UVRAG: variants seen among roughly 807,000 people sequenced by gnomAD.
UVRAG encodes the protein UV radiation resistance-associated gene protein.
A neutral mutation model predicts 78.0 loss-of-function variants in UVRAG; 19 were observed. The ratio of observed to expected loss-of-function variants is 0.24; its 90% CI spans 0.17 to 0.36. UVRAG has a LOEUF of 0.36. Among genes scored for constraint, UVRAG ranks in the 10% least tolerant of loss-of-function variants. UVRAG has a pLI of 1.00. For synonymous variants in UVRAG, 323 were observed against 324.6 expected (o/e 1.00, Z 0.05); for missense variants, 740 against 853.8 (o/e 0.87, Z 1.66).
intron 13 of UVRAG, among the ~76,000 whole-genome samples, chr11:76,080,254 G>C (rs1277148815): frequency 4.6e-5 from 7 of 152,148 alleles, no homozygotes; most frequent in Non-Finnish European, 1.0e-4. Flanking sequence ...TTTTTGTGAA[G>C]ATTAGGTAGC....
intron 1 of UVRAG, among the ~76,000 whole-genome samples, chr11:75,834,515 C>A (rs1382188083): frequency 6.6e-6 from 1 of 152,160 alleles, no homozygotes; most frequent in East Asian, 1.9e-4. Context: ...TAGGGAAACA[C>A]TTTAAGACCA....
intron 6 of UVRAG, among the ~76,000 whole-genome samples, chr11:75,932,766 A>G (rs531409825): frequency 1.3e-5 from 2 of 152,356 alleles, no homozygotes; most frequent in South Asian, 4.1e-4. Flanking sequence ...CACAATAGCT[A>G]CAAATAAAGT....
intron 6 of UVRAG, among the ~76,000 whole-genome samples, chr11:75,956,749 AG>A (rs1948807334): frequency 6.6e-6 from 1 of 152,150 alleles, no homozygotes; most frequent in Non-Finnish European, 1.5e-5. Flanking sequence ...GCCAGCATTT[AG>A]TGTTGTCATT....
chr11:76,011,274 A>G (rs994813667), intron 11 of UVRAG, among the ~76,000 whole-genome samples: 1 of 152,200 alleles, frequency 6.6e-6, no homozygotes, highest in Admixed American at 6.5e-5. Context: ...CCCATTCCCC[A>G]TTACCCTTAG....
At chr11:75,968,847 A>G (rs1011791735) in intron 7 of UVRAG, among the ~76,000 whole-genome samples, 4 of 152,202 alleles carry the variant, frequency 2.6e-5, no homozygotes, top group African/African-American at 7.2e-5. Flanking sequence ...GATTTTACCT[A>G]TCTTTTTCCT....
intron 14 of UVRAG, among the ~76,000 whole-genome samples, chr11:76,117,650 C>T (rs2134470743): frequency 6.6e-6 from 1 of 152,296 alleles, no homozygotes; most frequent in East Asian, 1.9e-4. Context: ...AACTTATCCT[C>T]ATAATCACAA....
At chr11:75,960,339 T>G (rs1948886748) in intron 6 of UVRAG, among the ~76,000 whole-genome samples, 2 of 152,248 alleles carry the variant, frequency 1.3e-5, no homozygotes, top group Non-Finnish European at 2.9e-5. Context: ...ATGACCTTGC[T>G]AAATTAACTT....
At chr11:75,999,187 A>G (rs1220980907) in intron 8 of UVRAG, among the ~76,000 whole-genome samples, 1 of 150,178 alleles carries the variant, frequency 6.7e-6, no homozygotes, top group Non-Finnish European at 1.5e-5. Flanking sequence ...GAGCTGAGAT[A>G]GCACCACTAC....
chr11:76,064,749 G>A (rs951983885), intron 12 of UVRAG, among the ~76,000 whole-genome samples: 1 of 152,006 alleles, frequency 6.6e-6, no homozygotes, highest in Non-Finnish European at 1.5e-5. Context: ...TTTATGGAAT[G>A]TATCTTTTCC....
At chr11:76,101,569 AGCTC>A (rs1951880447) in intron 13 of UVRAG, among the ~76,000 whole-genome samples, 1 of 152,104 alleles carries the variant, frequency 6.6e-6, no homozygotes, top group African/African-American at 2.4e-5. Context: ...GCTGTGCAGA[AGCTC>A]TTTAGTTTAA....
At chr11:76,074,554 G>C (rs1384740165) in intron 13 of UVRAG, among the ~76,000 whole-genome samples, 2 of 152,152 alleles carry the variant, frequency 1.3e-5, no homozygotes, top group African/African-American at 2.4e-5. Flanking sequence ...TGGCTTTGGA[G>C]TGTGTATTTT....
At chr11:75,857,186 A>G (rs1399298998) in intron 2 of UVRAG, among the ~76,000 whole-genome samples, 2 of 152,216 alleles carry the variant, frequency 1.3e-5, no homozygotes, top group African/African-American at 2.4e-5. Flanking sequence ...AATGAAAGTC[A>G]CATCCCTTTA....
chr11:75,930,955 C>CTTTCTTTCT (rs1948225634), intron 6 of UVRAG: 1 of 149,892 alleles, frequency 6.7e-6, no homozygotes, highest in Admixed American at 6.7e-5. Context: ...TTCTTTCTTT[C>CTTTCTTTCT]TTTCTTTCTT....
At chr11:75,950,011 CTT>C (rs887265768) in intron 6 of UVRAG, among the ~76,000 whole-genome samples, 2 of 152,052 alleles carry the variant, frequency 1.3e-5, no homozygotes, top group African/African-American at 4.8e-5. Flanking sequence ...ACGGGGCACT[CTT>C]TTGGTTTCTG....
intron 12 of UVRAG, among the ~76,000 whole-genome samples, chr11:76,063,613 A>G (rs1253724986): frequency 6.6e-6 from 1 of 152,240 alleles, no homozygotes; most frequent in Non-Finnish European, 1.5e-5. Flanking sequence ...TAATTTGAAA[A>G]TAATATTAGC....
chr11:76,043,266 G>A (rs1950686200), intron 12 of UVRAG, among the ~76,000 whole-genome samples: 1 of 152,012 alleles, frequency 6.6e-6, no homozygotes, highest in Non-Finnish European at 1.5e-5. Context: ...AGTATCAGAT[G>A]AGTTGTTGCT....
At chr11:76,065,673 C>A in intron 12 of UVRAG, 37 bp from the exon 13 acceptor site, 1 of 1,597,524 alleles carries the variant, frequency 6.3e-7, no homozygotes, top group Non-Finnish European at 8.6e-7. Flanking sequence ...ATTTACTCAG[C>A]TTTTGAAAAT....
In UVRAG at chr11:76,144,084, C is replaced by G. The variant is rs1231102573; in HGVS notation, c.*2671C>G. 2.0e-5 allele frequency among the ~76,000 whole-genome samples: 3 copies of G among 152,268 alleles called. No individual in the cohort carries two copies. Among genetic ancestry groups the G allele is most frequent in the African/African-American group, 7.2e-5 (3 of 41,550 alleles). ...CCCAGCTATATATTTTTTAGCAGTT[C>G]TAATGGTGCCCATTTATCCTGACCT... is the stretch of plus-strand genomic sequence containing the variant. On this transcript the variant is annotated 3_prime_UTR_variant, in exon 15 of 15. Coordinates refer to ENST00000356136, the MANE Select transcript of UVRAG (RefSeq NM_003369.4).
At chr11:76,012,972 A>G (rs923196459) in intron 11 of UVRAG, 1 of 152,044 alleles carries the variant, frequency 6.6e-6, no homozygotes, top group African/African-American at 2.4e-5. Flanking sequence ...ACAATGTCTC[A>G]TTGAGAACAT....
Sources: allele counts gnomAD v4.1 joint callset (sites outside exome capture counted in the v4.1 genomes callset), GRCh38; gene constraint gnomAD v4.1.1; transcripts MANE v1.5; gene names NCBI Gene and HGNC (gene_info 2026-07-23, HGNC 2026-07-21).